ACSM3: variants seen among roughly 807,000 people sequenced by gnomAD.
ACSM3 encodes the protein acyl-CoA synthetase medium chain family member 3.
A neutral mutation model predicts 74.1 loss-of-function variants in ACSM3; 61 were observed. The ratio of observed to expected loss-of-function variants is 0.82; its 90% confidence interval spans 0.67 to 1.02. ACSM3 has a LOEUF of 1.02. Ranked by LOEUF, ACSM3 falls within the 50% of genes least tolerant of loss-of-function variation. ACSM3 has a pLI of 0.00. For synonymous variants in ACSM3, 213 were observed against 241.5 expected (o/e 0.88, Z 1.09); for missense variants, 660 against 697.0 (o/e 0.95, Z 0.60).
At chr16:20,756,816 G>A (rs1356983274) in intron 3 of ACSM3, among the ~76,000 whole-genome samples, 1 of 152,172 alleles carries the variant, frequency 6.6e-6, no homozygotes, top group East Asian at 1.9e-4. Flanking sequence ...TTTGTATAAT[G>A]TGTAAGGAAG....
At chr16:20,697,380 G>GT (rs1201040780) in intron 1 of ACSM3, among the ~76,000 whole-genome samples, 1 of 152,028 alleles carries the variant, frequency 6.6e-6, no homozygotes, top group Admixed American at 6.6e-5. Flanking sequence ...CACTAAACCA[G>GT]TCCCCATTTA....
intron 1 of ACSM3, among the ~76,000 whole-genome samples, chr16:20,697,271 G>A (rs2079694702): frequency 6.6e-6 from 1 of 152,012 alleles, no homozygotes; most frequent in Admixed American, 6.6e-5. Flanking sequence ...TTTATAGAAA[G>A]TGAGCCAACT....
At position 20,796,691 on chromosome 16, in the gene ACSM3, G is replaced by T. The variant is rs13306609; in HGVS notation, c.1675-195G>T. ...TTTTGTTTGGTCCTTTGGCTTACTG[G>T]ACTCACAGTAAATACTTAATATCAA... On this transcript the variant is annotated intron_variant, in intron 13 of 13. Coordinates refer to ENST00000289416, the MANE Select transcript of ACSM3 (RefSeq NM_005622.4). The T allele has an allele frequency of 8.6e-4, 1,272 of 1,477,016 alleles. 7 individuals carry two copies. The East Asian group carries it at 8.9e-3, about 10-fold the overall frequency. The allele number at this position is 1,477,016 out of a possible 1,614,324, so 91.5% of individuals were successfully genotyped here. A position where few individuals can be genotyped will look rare whatever the true frequency, so the allele number is the denominator to read the frequency against.
At chr16:20,741,500 G>T in intron 1 of ACSM3, 1 of 214,618 alleles carries the variant, frequency 4.7e-6, no homozygotes, top group South Asian at 6.0e-5. Context: ...CCCACCCCGG[G>T]ACCGGTACCT....
At chr16:20,742,915 C>T (rs1373770489) in intron 1 of ACSM3, among the ~76,000 whole-genome samples, 1 of 150,630 alleles carries the variant, frequency 6.6e-6, no homozygotes, top group African/African-American at 2.4e-5. Flanking sequence ...GGTTGTTTAC[C>T]CCCAAAGGTA....
upstream of ACSM3, among the ~76,000 whole-genome samples, chr16:20,761,817 G>T (rs1478551244): frequency 6.6e-6 from 1 of 152,148 alleles, no homozygotes; most frequent in Non-Finnish European, 1.5e-5. Context: ...AGGCAAAATG[G>T]CAGATTTTAA....
intron 1 of ACSM3, among the ~76,000 whole-genome samples, chr16:20,769,693 A>G (rs879856981): frequency 2.6e-5 from 4 of 152,204 alleles, no homozygotes; most frequent in Non-Finnish European, 5.9e-5. Flanking sequence ...TATTCTGGAG[A>G]ATGGGCTAGG....
intron 1 of ACSM3, chr16:20,676,098 CAA>C (rs946082058): frequency 5.9e-5 from 9 of 152,308 alleles, no homozygotes; most frequent in African/African-American, 2.2e-4. Context: ...GAATTAAGTT[CAA>C]AGAGATACAG....
At chr16:20,747,556 C>A (rs369759686) in intron 1 of ACSM3, among the ~76,000 whole-genome samples, 1 of 152,314 alleles carries the variant, frequency 6.6e-6, no homozygotes, top group East Asian at 1.9e-4. Context: ...TAAAATCCTC[C>A]TGTCCCACCC....
intron 1 of ACSM3, chr16:20,735,825 T>C (rs2079864235): frequency 6.6e-6 from 1 of 152,260 alleles, no homozygotes; most frequent in African/African-American, 2.4e-5. Context: ...TCATATGACA[T>C]ATCATCAGTA....
chr16:20,741,479 C>CGGGG, intron 1 of ACSM3: 3 of 1,329,524 alleles, frequency 2.3e-6, no homozygotes, highest in Middle Eastern at 2.9e-4. Flanking sequence ...GCCTGGCAGC[C>CGGGG]GGCCCGCCCG....
chr16:20,741,735 G>C (rs1241633790), intron 1 of ACSM3: 10 of 1,567,972 alleles, frequency 6.4e-6, no homozygotes, highest in Non-Finnish European at 8.7e-6. Flanking sequence ...GGCAGGGGCC[G>C]CCATGGTGTG....
chr16:20,764,254 A>G (rs138833485), intron 1 of ACSM3, 129 bp downstream of exon 1: 3 of 152,314 alleles, frequency 2.0e-5, no homozygotes, highest in Non-Finnish European at 4.4e-5. Flanking sequence ...TGGGCAGCCA[A>G]AGTTTCTCTC....
chr16:20,759,677 A>G (rs2080061210), upstream of ACSM3, among the ~76,000 whole-genome samples: 1 of 151,870 alleles, frequency 6.6e-6, no homozygotes, highest in Non-Finnish European at 1.5e-5. Context: ...CCCTTCTCCC[A>G]CACCTCGCCC....
At chr16:20,681,776 T>C (rs2079451212) in intron 1 of ACSM3, 1 of 154,908 alleles carries the variant, frequency 6.5e-6, no homozygotes, top group Non-Finnish European at 1.4e-5. Flanking sequence ...CTCAATTGTA[T>C]GTAGGGAAAC....
intron 1 of ACSM3, among the ~76,000 whole-genome samples, chr16:20,678,127 G>A (rs2079349950): frequency 6.6e-6 from 1 of 152,236 alleles, no homozygotes; most frequent in African/African-American, 2.4e-5. Flanking sequence ...TTCCCCTTCT[G>A]TAGATCCCAA....
chr16:20,739,178 T>C, intron 1 of ACSM3: 1 of 410,420 alleles, frequency 2.4e-6, no homozygotes, highest in Admixed American at 9.6e-5. Context: ...CAGTATTGAT[T>C]TTTTTTTTTT....
chr16:20,689,356 A>G (rs980066680), intron 1 of ACSM3, among the ~76,000 whole-genome samples: 1 of 152,160 alleles, frequency 6.6e-6, no homozygotes, highest in East Asian at 1.9e-4. Context: ...CAAAAACTCA[A>G]GTAAACACAA....
chr16:20,697,334 T>A (rs114374895), intron 1 of ACSM3, among the ~76,000 whole-genome samples: 6 of 152,280 alleles, frequency 3.9e-5, no homozygotes, highest in African/African-American at 1.4e-4. Flanking sequence ...ACTTTGTGCC[T>A]GTCTCCCACG....
Sources: gnomAD v4.1 joint callset for allele counts (sites outside exome capture counted in the v4.1 genomes callset) on GRCh38, gnomAD v4.1.1 for gene constraint, MANE v1.5 for transcripts, NCBI Gene and HGNC (gene_info 2026-07-23, HGNC 2026-07-21) for gene names.